The following WDR77 variants were observed in gnomAD, a reference collection of about 807,000 sequenced individuals.
WDR77 encodes WD repeat domain 77.
Under a neutral mutation model 44.0 loss-of-function variants are expected in WDR77, and 31 were observed. That is an observed-to-expected ratio of 0.70 (90% CI 0.53 to 0.95). The LOEUF is 0.95. Ranked by LOEUF, WDR77 falls within the 40% of genes least tolerant of loss-of-function variation. WDR77 has a pLI of 0.00. For missense variants in WDR77, 390 were observed against 423.9 expected (o/e 0.92, Z 0.70); for synonymous variants, 186 against 165.7 (o/e 1.12, Z -0.94).
intron 9 of WDR77, 172 bp from the exon 10 acceptor site, chr1:111,441,561 T>C (rs1264903): frequency 0.012 from 15,176 of 1,301,460 alleles, 113 homozygotes; most frequent in Middle Eastern, 0.021. Flanking sequence ...GTGGATGTCA[T>C]CAGTCATCCA....
chr1:111,443,465 C>G (rs1652896763), intron 6 of WDR77, 71 bp from the exon 7 acceptor site: 1 of 1,446,298 alleles, frequency 6.9e-7, no homozygotes, highest in African/African-American at 1.4e-5. Flanking sequence ...AATGATATCA[C>G]TCTAAATCCT....
rs749021299 is a variant in WDR77, at chr1:111,449,238, C to G, written c.-69G>C. 6.5e-7 allele frequency: 1 copy of G among 1,536,024 alleles called. No homozygotes were observed. The highest frequency in any genetic ancestry group is 8.7e-7 in the Non-Finnish European group (1 of 1,146,756). On this transcript the variant is annotated 5_prime_UTR_variant, in exon 1 of 10. Coordinates refer to ENST00000235090, the MANE Select transcript of WDR77 (RefSeq NM_024102.4). ...CCGGAGACTCCGCTCCGGCAGCAAA[C>G]CCCACGTGGTGCACCTCTGAGCCTC...
At chr1:111,444,323 T>TAA (rs938873144) in intron 4 of WDR77, among the ~76,000 whole-genome samples, 199 bp from the exon 5 acceptor site, 1 of 145,874 alleles carries the variant, frequency 6.9e-6, no homozygotes, top group Non-Finnish European at 1.5e-5. Flanking sequence ...AAAAGCCTTG[T>TAA]AAAAAAAAAA....
At chr1:111,449,000 G>T in intron 1 of WDR77, 55 bp downstream of exon 1, 1 of 1,544,484 alleles carries the variant, frequency 6.5e-7, no homozygotes, top group East Asian at 2.4e-5. Context: ...AGTCTCCGGG[G>T]AGGGGCGCCC....
At chr1:111,443,787 A>C in intron 6 of WDR77, 80 bp downstream of exon 6, 5 of 1,604,168 alleles carry the variant, frequency 3.1e-6, no homozygotes, top group Non-Finnish European at 4.3e-6. Context: ...TCTAGCAACT[A>C]TGCTTTGACA....
At position 111,449,250 on chromosome 1, in the gene WDR77, C is replaced by T. The variant is rs1653213446; in HGVS notation, c.-81G>A. 4 of 1,536,178 alleles carry T rather than the reference C, an allele frequency of 2.6e-6. No homozygotes were observed. Among genetic ancestry groups the T allele is most frequent in the Non-Finnish European group, 1.7e-6 (2 of 1,146,852 alleles). On this transcript the variant is annotated 5_prime_UTR_variant, in exon 1 of 10. Coordinates refer to ENST00000235090, the MANE Select transcript of WDR77 (RefSeq NM_024102.4). ...CTCCGGCAGCAAACCCCACGTGGTG[C>T]ACCTCTGAGCCTCCGCCCCTCTCCC...
intron 4 of WDR77, among the ~76,000 whole-genome samples, chr1:111,444,754 G>A (rs1287655155): frequency 6.6e-6 from 1 of 152,156 alleles, no homozygotes; most frequent in African/African-American, 2.4e-5. Flanking sequence ...CAATGAAGGG[G>A]GCTGATCTTG....
intron 4 of WDR77, among the ~76,000 whole-genome samples, chr1:111,446,387 G>C (rs574563922): frequency 6.8e-4 from 104 of 152,190 alleles, no homozygotes; most frequent in African/African-American, 2.4e-3. Flanking sequence ...GTTCTCACCA[G>C]AAAACAGACA....
Position 111,447,107 on chromosome 1 carries a change from T to A in WDR77, c.481A>T (p.Ser161Cys). Reference protein sequence around the residue: ...VWDLAQQVVLSSYRAHAAQVT... With the variant: ...VWDLAQQVVLCSYRAHAAQVT... ...AAAGAATACTCACCTCGGTATGAAC[T>A]CAGTACCACCTGCTGAGCAAGGTCC... The change falls in exon 4 of 10, where the codon AGT (serine) becomes TGT (cysteine). Residue 161 changes from serine (S) to cysteine (C), a missense_variant. Coordinates refer to ENST00000235090, the MANE Select transcript of WDR77 (RefSeq NM_024102.4). 1 of 1,614,146 alleles carries A rather than the reference T, an allele frequency of 6.2e-7. No individual in the cohort carries two copies. Among genetic ancestry groups the A allele is most frequent in the Non-Finnish European group, 8.5e-7 (1 of 1,180,016 alleles).
chr1:111,448,291 C>T (rs1653138116), intron 2 of WDR77, among the ~76,000 whole-genome samples: 2 of 152,042 alleles, frequency 1.3e-5, no homozygotes, highest in South Asian at 2.1e-4. Flanking sequence ...ACATGTAGCA[C>T]AGATTGGCTT....
intron 6 of WDR77, 82 bp downstream of exon 6, chr1:111,443,785 C>G: frequency 6.2e-7 from 1 of 1,603,298 alleles, no homozygotes; most frequent in Non-Finnish European, 8.5e-7. Flanking sequence ...CATCTAGCAA[C>G]TATGCTTTGA....
chr1:111,442,935 G>A (rs1652873339), intron 7 of WDR77, among the ~76,000 whole-genome samples, 174 bp from the exon 8 acceptor site: 1 of 152,154 alleles, frequency 6.6e-6, no homozygotes, highest in Admixed American at 6.5e-5. Context: ...GTTAATGAAC[G>A]AAGCAGTTAT....
chr1:111,449,228 C>G lies in WDR77; in HGVS notation c.-59G>C, dbSNP rs1215277773. On this transcript the variant is annotated 5_prime_UTR_variant, in exon 1 of 10. Transcript: ENST00000235090. The stretch of plus-strand genomic sequence containing the variant: ...TGGACGCCGGCCGGAGACTCCGCTC[C>G]GGCAGCAAACCCCACGTGGTGCACC... The G allele has an allele frequency of 2.6e-6, 4 of 1,535,122 alleles. No homozygotes were observed. Among genetic ancestry groups the G allele is most frequent in the Non-Finnish European group, 3.5e-6 (4 of 1,146,234 alleles).
intron 6 of WDR77, 113 bp downstream of exon 6, chr1:111,443,754 T>C: frequency 6.4e-7 from 1 of 1,554,224 alleles, no homozygotes; most frequent in Admixed American, 2.0e-5. Context: ...ATGTCACTCA[T>C]GTCACAGTAA....
At chr1:111,447,263 CTA>C in intron 3 of WDR77, 119 bp from the exon 4 acceptor site, 1 of 1,463,026 alleles carries the variant, frequency 6.8e-7, no homozygotes, top group South Asian at 1.2e-5. Context: ...TGGACTGCTG[CTA>C]TGGTCTACTT....
chr1:111,439,903 G>GTTT lies in WDR77; in HGVS notation c.*1324_*1326dup, dbSNP rs1652736483. 6.6e-6 allele frequency: 1 copy of GTTT among 152,550 alleles called. No individual in the cohort carries two copies. Among genetic ancestry groups the GTTT allele is most frequent in the Admixed American group, 6.5e-5 (1 of 15,270 alleles). 9.4% of individuals were successfully genotyped at this position (152,550 alleles called of 1,614,324 possible). On this transcript the variant is annotated 3_prime_UTR_variant, in exon 10 of 10. Coordinates refer to ENST00000235090, the MANE Select transcript of WDR77 (RefSeq NM_024102.4). ...GGATCACACAACTACAAATTCCCATGTTTTACTCAAGGGTAATCATGTCAA... is the reference window on the plus strand; with the variant it reads ...GGATCACACAACTACAAATTCCCATGTTTTTTTACTCAAGGGTAATCATGTCAA...
At position 111,440,431 on chromosome 1, in the gene WDR77, G is replaced by A. The variant is rs1175329802; in HGVS notation, c.*799C>T. 1.3e-5 allele frequency: 2 copies of A among 152,192 alleles called. No homozygotes were observed. The highest frequency in any genetic ancestry group is 2.9e-5 in the Non-Finnish European group (2 of 68,032). 9.4% of individuals were successfully genotyped at this position (152,192 alleles called of 1,614,324 possible). A position where few individuals can be genotyped will look rare whatever the true frequency, so the allele number is the denominator to read the frequency against. ...AAGATGTCAGGCCCCATGCTGTTTT[G>A]GGGTGGGAAAAGTGGCAAAGAATTC... is the stretch of plus-strand genomic sequence containing the variant. On this transcript the variant is annotated 3_prime_UTR_variant, in exon 10 of 10. Transcript: ENST00000235090.
Position 111,444,063 on chromosome 1 carries a change from T to C in WDR77, c.555A>G (p.Ser185=), listed in dbSNP as rs150239478. The C allele has an allele frequency of 1.2e-6, 2 of 1,613,890 alleles. No individual in the cohort carries two copies. Among genetic ancestry groups the C allele is most frequent in the African/African-American group, 1.3e-5 (1 of 74,862 alleles). ...ASPHKDSVFL[S]CSEDNRILLW... ...AGGAGCTATCTCTTACCTCGCTGCA[T>C]GAAAGAAACACAGAGTCCTTGTGAG... The change falls in exon 5 of 10, where the codon TCA becomes TCG. Residue 185 remains serine (S), a synonymous_variant. Transcript: ENST00000235090.
intron 7 of WDR77, 58 bp downstream of exon 7, chr1:111,443,265 T>C: frequency 6.6e-7 from 1 of 1,515,504 alleles, no homozygotes; most frequent in Non-Finnish European, 9.0e-7. Flanking sequence ...GAGTCAGCTC[T>C]TTCTTTTTCC....
Sources: gnomAD v4.1 joint callset for allele counts (sites outside exome capture counted in the v4.1 genomes callset) on GRCh38, gnomAD v4.1.1 for gene constraint, MANE v1.5 for transcripts, NCBI Gene and HGNC (gene_info 2026-07-23, HGNC 2026-07-21) for gene names.